Variants in AIRE observed in about 807,000 individuals in gnomAD.
AIRE encodes autoimmune regulator.
In AIRE, 52 loss-of-function variants were observed where a neutral mutation model predicts 62.1. That is an observed-to-expected ratio of 0.84 (90% CI 0.67 to 1.06). AIRE has a LOEUF of 1.06. Among genes scored for constraint, AIRE ranks in the 50% least tolerant of loss-of-function variants. The pLI is 0.00. For missense variants in AIRE, 774 were observed against 755.8 expected (o/e 1.02, Z -0.28); for synonymous variants, 342 against 321.6 (o/e 1.06, Z -0.68).
rs778427208 is a variant in AIRE, at chr21:44,293,032, G to T, written c.1135G>T (p.Gly379Cys). The T allele has an allele frequency of 6.2e-7, 1 of 1,612,552 alleles. No homozygotes were observed. The highest frequency in any genetic ancestry group is 8.5e-7 in the Non-Finnish European group (1 of 1,179,834). The change falls in exon 10 of 14, where the codon GGT (glycine) becomes TGT (cysteine). Residue 379 changes from glycine to cysteine, a missense_variant. Around this residue, in one of 3 missense-constraint regions of AIRE, gnomAD observed 354 missense variants for 296.1 expected, o/e 1.20. Coordinates refer to ENST00000291582, the MANE Select transcript of AIRE (RefSeq NM_000383.4). ...GLRSAGEEVR[G>C]PPGEPLAGMD... ...TAGGTCGGCGGGAGAGGAGGTAAGA[G>T]GTCCACCTGGGGAACCCCTAGCCGG...
At chr21:44,294,345 G>T in intron 11 of AIRE, 56 bp from the exon 12 acceptor site, 1 of 753,816 alleles carries the variant, frequency 1.3e-6, no homozygotes, top group Non-Finnish European at 1.9e-6. Flanking sequence ...CCCATACCCC[G>T]GAGGTGGCAC....
chr21:44,294,507 A>C lies in AIRE; in HGVS notation c.1503+4A>C, dbSNP rs2040585852. On this transcript the variant is annotated splice_donor_region_variant and intron_variant, in intron 12 of 13. Coordinates refer to ENST00000291582, the MANE Select transcript of AIRE (RefSeq NM_000383.4). ...CCTGGCCCCTGGGCCTGCCAAGGTC[A>C]GTGCCGCAGGGGCCCTCCATGCATG... 1 of 1,455,774 alleles carries C rather than the reference A, an allele frequency of 6.9e-7. No homozygotes were observed. The highest frequency in any genetic ancestry group is 9.1e-7 in the Non-Finnish European group (1 of 1,094,848). The allele number at this position is 1,455,774 out of a possible 1,614,324, so 90.2% of individuals were successfully genotyped here.
At position 44,293,839 on chromosome 21, in the gene AIRE, G is replaced by A. The variant is rs370017667; in HGVS notation, c.1329G>A (p.Val443=). The change falls in exon 11 of 14, where the codon GTG becomes GTA. Residue 443 remains valine (V), a synonymous_variant. Coordinates refer to ENST00000291582, the MANE Select transcript of AIRE (RefSeq NM_000383.4). ...GGGTGTGCGGAGATGGTACGGACGT[G>A]CTGCGGTGTACTCACTGCGCCGCTG... ...RCGVCGDGTD[V]LRCTHCAAAF... is the part of the protein sequence containing the mutation. 4.4e-6 allele frequency: 7 copies of A among 1,596,886 alleles called. No homozygotes were observed. In the African/African-American group the frequency reaches 8.0e-5, roughly 18 times the overall value.
At chr21:44,294,185 C>G (rs1601970289) in intron 11 of AIRE, among the ~76,000 whole-genome samples, 1 of 128,832 alleles carries the variant, frequency 7.8e-6, no homozygotes, top group East Asian at 2.2e-4. Context: ...ACACCCCACA[C>G]TCCCACCCAC....
Position 44,297,812 on chromosome 21 carries a change from G to A in AIRE, c.*85G>A. Reference sequence around the variant, plus strand: ...CTCAGTCCTGGAAGCCGGCCGGCTGGGATCAAGAAGGGGACAGCGCCACCT... The same window carrying A: ...CTCAGTCCTGGAAGCCGGCCGGCTGAGATCAAGAAGGGGACAGCGCCACCT... On this transcript the variant is annotated 3_prime_UTR_variant, in exon 14 of 14. Transcript: ENST00000291582. This position sits in a 1 kb window ranked among gnomAD's most constrained non-coding sequence, Gnocchi z 4.8. The A allele has an allele frequency of 7.7e-7, 1 of 1,305,394 alleles. No homozygotes were observed. The highest frequency in any genetic ancestry group is 1.1e-6 in the Non-Finnish European group (1 of 922,858). The allele number at this position is 1,305,394 out of a possible 1,614,324, so 80.9% of individuals were successfully genotyped here.
In AIRE at chr21:44,290,896, TG is replaced by T. The variant is rs140965390; in HGVS notation, c.880-198del. 2,952 of 1,609,608 alleles carry T rather than the reference TG, an allele frequency of 1.8e-3. 38 individuals are homozygous for T. The African/African-American group carries it at 0.035, about 19-fold the overall frequency. Reference sequence around the variant, plus strand: ...TCCCAATAGGGATGGCCCCGGGGGGTGTCTGTTGGAGACCAGATGGATGGGG... The same window carrying T: ...TCCCAATAGGGATGGCCCCGGGGGGTTCTGTTGGAGACCAGATGGATGGGG... On this transcript the variant is annotated intron_variant, in intron 7 of 13. Coordinates refer to ENST00000291582, the MANE Select transcript of AIRE (RefSeq NM_000383.4).
At position 44,297,597 on chromosome 21, in the gene AIRE, G is replaced by A; in HGVS notation, c.1567-59G>A. 2 of 1,456,028 alleles carry A rather than the reference G, an allele frequency of 1.4e-6. No homozygotes were observed. The highest frequency in any genetic ancestry group is 1.4e-5 in the African/African-American group (1 of 71,370). The allele number at this position is 1,456,028 out of a possible 1,614,324, so 90.2% of individuals were successfully genotyped here. A position where few individuals can be genotyped will look rare whatever the true frequency, so the allele number is the denominator to read the frequency against. On this transcript the variant is annotated intron_variant, in intron 13 of 13. Coordinates refer to ENST00000291582, the MANE Select transcript of AIRE (RefSeq NM_000383.4). The surrounding 1 kb of genome is among the most constrained non-coding windows in gnomAD (Gnocchi z 4.8). ...GGTGACTTCTTGTAACGATGGCCAT[G>A]ATTCTGTGGCTGCGGCGGGGGCGCA... is the stretch of plus-strand genomic sequence containing the variant.
At position 44,297,166 on chromosome 21, in the gene AIRE, G is replaced by A. The variant is rs966275532; in HGVS notation, c.1567-490G>A. Among the ~76,000 whole-genome samples, 3 of 152,216 alleles carry A rather than the reference G, an allele frequency of 2.0e-5. No individual in the cohort carries two copies. Among genetic ancestry groups the A allele is most frequent in the Non-Finnish European group, 4.4e-5 (3 of 68,026 alleles). The stretch of plus-strand genomic sequence containing the variant: ...GTAATGGAGCTGCCCCTCTGGATGG[G>A]GTCCCCGGGTATAGCTGGAGAAATG... On this transcript the variant is annotated intron_variant, in intron 13 of 13. Transcript: ENST00000291582. This position sits in a 1 kb window ranked among gnomAD's most constrained non-coding sequence, Gnocchi z 4.8.
At position 44,285,905 on chromosome 21, in the gene AIRE, G is replaced by A; in HGVS notation, c.-102G>A. On this transcript the variant is annotated 5_prime_UTR_variant, in exon 1 of 14. Transcript: ENST00000291582. ...AGACGGGCGGGCGCACAGCCGGCGCGGAGGCCCCACAGCCCCGCCGGGACC... is the reference window on the plus strand; with the variant it reads ...AGACGGGCGGGCGCACAGCCGGCGCAGAGGCCCCACAGCCCCGCCGGGACC... 1 of 1,195,888 alleles carries A rather than the reference G, an allele frequency of 8.4e-7. No individual in the cohort carries two copies. Among genetic ancestry groups the A allele is most frequent in the East Asian group, 3.4e-5 (1 of 29,094 alleles). 74.1% of individuals were successfully genotyped at this position (1,195,888 alleles called of 1,614,324 possible). A position where few individuals can be genotyped will look rare whatever the true frequency, so the allele number is the denominator to read the frequency against.
chr21:44,294,220 C>T, intron 11 of AIRE, among the ~76,000 whole-genome samples, 181 bp from the exon 12 acceptor site: 1 of 111,842 alleles, frequency 8.9e-6, no homozygotes, highest in Non-Finnish European at 1.9e-5. Context: ...CCACACCCTA[C>T]ACCCAACCCA....
At chr21:44,291,308 C>A in intron 8 of AIRE, 98 bp downstream of exon 8, 1 of 1,523,544 alleles carries the variant, frequency 6.6e-7, no homozygotes, top group Non-Finnish European at 8.9e-7. Context: ...CCTCTCCCAT[C>A]CAAGATGGAA....
At chr21:44,296,547 G>A in intron 13 of AIRE, 102 bp downstream of exon 13, 1 of 1,154,998 alleles carries the variant, frequency 8.7e-7, no homozygotes, top group Non-Finnish European at 1.3e-6. Context: ...GGCCCCCACT[G>A]CTCTTGAGCC....
rs2146379663 is a variant in AIRE at position 44,290,017 on chromosome 21, G to A, written c.828G>A (p.Gln276=). The A allele has an allele frequency of 4.3e-6, 7 of 1,611,118 alleles. No homozygotes were observed. The highest frequency in any genetic ancestry group is 5.9e-6 in the Non-Finnish European group (7 of 1,179,468). Residue 276 remains glutamine (Q), a synonymous_variant, in exon 7 of 14, where the codon CAG becomes CAA. Coordinates refer to ENST00000291582, the MANE Select transcript of AIRE (RefSeq NM_000383.4). ...PGGGEARLGQ[Q]GSVPAPLALP... ...GAGGTGAGGCTAGGCTGGGCCAGCA[G>A]GGCAGCGTTCCCGCCCCTCTGGCCC...
intron 12 of AIRE, 25 bp downstream of exon 12, chr21:44,294,528 G>T: frequency 7.7e-7 from 1 of 1,294,932 alleles, no homozygotes; most frequent in Non-Finnish European, 1.0e-6. Flanking sequence ...GGCCCTCCAT[G>T]CATGCCGGTG....
At position 44,290,112 on chromosome 21, in the gene AIRE, C is replaced by T. The variant is rs141842879; in HGVS notation, c.879+44C>T. The T allele has an allele frequency of 5.3e-4, 850 of 1,589,632 alleles. 5 individuals are homozygous for T. In the African/African-American group the frequency reaches 0.01, roughly 19 times the overall value. On this transcript the variant is annotated intron_variant, in intron 7 of 13. Coordinates refer to ENST00000291582, the MANE Select transcript of AIRE (RefSeq NM_000383.4). ...GGAGAGGCCCCTGTCTGCCCTTGCT[C>T]CCCTCGGGTGGGTCCTGCTGCCTCT...
Position 44,286,022 on chromosome 21 carries a change from G to C in AIRE, c.16G>C (p.Ala6Pro), listed in dbSNP as rs1358819740. The part of the protein sequence containing the change: MATDA[A>P]LRRLLRLHRT... ...CGCCCACCCCATGGCGACGGACGCGGCGCTACGCCGGCTTCTGAGGCTGCA... is the reference window on the plus strand; with the variant it reads ...CGCCCACCCCATGGCGACGGACGCGCCGCTACGCCGGCTTCTGAGGCTGCA... The change falls in exon 1 of 14, where the codon GCG becomes CCG. Residue 6 changes from alanine (A) to proline (P), a missense_variant. Transcript: ENST00000291582. This position sits in a 1 kb window ranked among gnomAD's most constrained non-coding sequence, Gnocchi z 6.0. The C allele has an allele frequency of 6.5e-7, 1 of 1,533,510 alleles. No homozygotes were observed. Among genetic ancestry groups the C allele is most frequent in the Non-Finnish European group, 8.7e-7 (1 of 1,144,780 alleles). 95.0% of individuals were successfully genotyped at this position (1,533,510 alleles called of 1,614,324 possible).
chr21:44,291,343 G>A (rs2040538511), intron 8 of AIRE, 133 bp downstream of exon 8: 1 of 1,409,432 alleles, frequency 7.1e-7, no homozygotes, highest in Non-Finnish European at 9.7e-7. Context: ...AGGTCACTGG[G>A]CCGTGGGGCC....
Position 44,293,273 on chromosome 21 carries a change from G to A in AIRE, c.1278+98G>A, listed in dbSNP as rs917683765. The A allele has an allele frequency of 2.1e-5, 24 of 1,150,484 alleles. No individual in the cohort carries two copies. In the African/African-American group the frequency reaches 2.4e-4, roughly 12 times the overall value. 71.3% of individuals were successfully genotyped at this position (1,150,484 alleles called of 1,614,324 possible). A position where few individuals can be genotyped will look rare whatever the true frequency, so the allele number is the denominator to read the frequency against. On this transcript the variant is annotated intron_variant, in intron 10 of 13. Transcript: ENST00000291582. ...AAACAGGAGGAGAGGGAGGCCAGGC[G>A]AGAAAGGCTCCGGGAGGCACAGGGC... is the stretch of plus-strand genomic sequence containing the variant.
chr21:44,293,712 G>A (rs2040569686), intron 10 of AIRE, 77 bp from the exon 11 acceptor site: 7 of 1,586,530 alleles, frequency 4.4e-6, no homozygotes, highest in Non-Finnish European at 5.1e-6. Context: ...CCAGGGGAGA[G>A]CGCACAGGGC....
Sources: allele counts gnomAD v4.1 joint callset (sites outside exome capture counted in the v4.1 genomes callset), GRCh38; gene constraint gnomAD v4.1.1; regional missense constraint gnomAD v4.1.1; non-coding constraint Gnocchi (gnomAD v3.1); transcripts MANE v1.5; gene names NCBI Gene and HGNC (gene_info 2026-07-23, HGNC 2026-07-21).